Variants in RSL24D1 observed in about 807,000 individuals in gnomAD.
RSL24D1 encodes the protein probable ribosome biogenesis protein RLP24.
RSL24D1 carries 6 observed loss-of-function variants against 26.2 expected under a neutral mutation model. The ratio of observed to expected loss-of-function variants is 0.23; its 90% confidence interval spans 0.13 to 0.45. The LOEUF (loss-of-function observed/expected upper bound fraction) is 0.45, where lower values mean the gene tolerates loss of function less well. Among genes scored for constraint, RSL24D1 ranks in the 20% least tolerant of loss-of-function variants. RSL24D1 has a pLI of 0.99. For synonymous variants in RSL24D1, 61 were observed against 59.1 expected (o/e 1.03, Z -0.15); for missense variants, 176 against 202.6 (o/e 0.87, Z 0.80).
intron 3 of RSL24D1, among the ~76,000 whole-genome samples, chr15:55,188,092 T>C (rs768021606): frequency 1.1e-4 from 17 of 152,206 alleles, no homozygotes; most frequent in South Asian, 2.1e-4. Context: ...GTTTAATCCA[T>C]ATCCTCACAC....
intron 5 of RSL24D1, 144 bp from the exon 6 acceptor site, chr15:55,182,369 G>A: frequency 1.7e-6 from 1 of 605,254 alleles, no homozygotes. Flanking sequence ...AACTAACATA[G>A]GTCTTATGAT....
At chr15:55,193,210 T>C (rs1163483231) in intron 1 of RSL24D1, among the ~76,000 whole-genome samples, 1 of 152,222 alleles carries the variant, frequency 6.6e-6, no homozygotes, top group African/African-American at 2.4e-5. Flanking sequence ...TTCTGAAATC[T>C]CCTTTGGGTC....
chr15:55,195,313 C>T (rs553207287), intron 1 of RSL24D1: 1 of 152,244 alleles, frequency 6.6e-6, no homozygotes, highest in South Asian at 2.1e-4. Flanking sequence ...CTGTTAGGTA[C>T]ATCCAATGGA....
At chr15:55,190,203 G>A (rs374020872) in intron 3 of RSL24D1, among the ~76,000 whole-genome samples, 6 of 144,914 alleles carry the variant, frequency 4.1e-5, no homozygotes, top group African/African-American at 7.9e-5. Context: ...AGCCGAGATC[G>A]TGCCACTGCA....
intron 4 of RSL24D1, among the ~76,000 whole-genome samples, chr15:55,184,789 C>T (rs563024307): frequency 3.8e-4 from 58 of 152,254 alleles, no homozygotes; most frequent in African/African-American, 1.2e-3. Flanking sequence ...GAGAAGGATA[C>T]GCCATCATTT....
Position 55,181,918 on chromosome 15 carries a change from G to C in RSL24D1, c.*234C>G. ...TTTACGTCCACAATTCACTTCTATA[G>C]TTACAAGTAGAATTTTCATGATTTA... On this transcript the variant is annotated 3_prime_UTR_variant, in exon 6 of 6. Coordinates refer to ENST00000260443, the MANE Select transcript of RSL24D1 (RefSeq NM_016304.3). 2.3e-6 allele frequency: 1 copy of C among 434,742 alleles called. No individual in the cohort carries two copies. Among genetic ancestry groups the C allele is most frequent in the East Asian group, 3.6e-5 (1 of 27,810 alleles). The allele number at this position is 434,742 out of a possible 1,614,324, so 26.9% of individuals were successfully genotyped here.
intron 4 of RSL24D1, among the ~76,000 whole-genome samples, chr15:55,184,844 A>G (rs1180042127): frequency 6.6e-6 from 1 of 152,134 alleles, no homozygotes; most frequent in African/African-American, 2.4e-5. Context: ...TCTAATGAGG[A>G]AGGTATCAGA....
intron 3 of RSL24D1, among the ~76,000 whole-genome samples, chr15:55,187,911 C>A (rs549940830): frequency 7.2e-5 from 11 of 151,756 alleles, no homozygotes; most frequent in African/African-American, 1.9e-4. Flanking sequence ...AAAAGTTCAA[C>A]AAAAATATGT....
chr15:55,185,521 A>C (rs570043434), intron 3 of RSL24D1, 96 bp from the exon 4 acceptor site: 25 of 858,812 alleles, frequency 2.9e-5, no homozygotes, highest in Non-Finnish European at 4.1e-5. Flanking sequence ...TCTGATTTAG[A>C]AATGAATTTA....
intron 2 of RSL24D1, 138 bp from the exon 3 acceptor site, chr15:55,191,185 T>C (rs1894293791): frequency 1.6e-6 from 1 of 611,242 alleles, no homozygotes; most frequent in Non-Finnish European, 2.7e-6. Flanking sequence ...TCTCAGAGAA[T>C]ATAGGTTTTC....
At chr15:55,188,854 A>G (rs921769022) in intron 3 of RSL24D1, among the ~76,000 whole-genome samples, 1 of 152,206 alleles carries the variant, frequency 6.6e-6, no homozygotes, top group Non-Finnish European at 1.5e-5. Flanking sequence ...AATAATAACA[A>G]CAACAAAGGT....
intron 1 of RSL24D1, 112 bp downstream of exon 1, chr15:55,196,697 AC>A: frequency 1.0e-6 from 1 of 985,056 alleles, no homozygotes; most frequent in South Asian, 1.4e-5. Flanking sequence ...CAGGGGAACA[AC>A]GGGAGGAACC....
chr15:55,194,609 C>G (rs1001225223), intron 1 of RSL24D1, among the ~76,000 whole-genome samples: 1 of 151,968 alleles, frequency 6.6e-6, no homozygotes, highest in African/African-American at 2.4e-5. Flanking sequence ...TTTATTAAGC[C>G]CTCATTAAGA....
intron 4 of RSL24D1, among the ~76,000 whole-genome samples, chr15:55,184,746 A>T (rs1335140063): frequency 6.6e-6 from 1 of 152,102 alleles, no homozygotes; most frequent in Non-Finnish European, 1.5e-5. Flanking sequence ...ATCACCAGCA[A>T]GGTGACATCA....
chr15:55,186,963 G>C (rs748740770), intron 3 of RSL24D1, among the ~76,000 whole-genome samples: 1 of 152,130 alleles, frequency 6.6e-6, no homozygotes. Flanking sequence ...CAGGGAGTCT[G>C]GATGAAGGAT....
At chr15:55,196,220 T>C (rs1463501595) in intron 1 of RSL24D1, 1 of 420,046 alleles carries the variant, frequency 2.4e-6, no homozygotes, top group African/African-American at 2.0e-5. Flanking sequence ...TGCTCCGTTC[T>C]CTGCCTTTTC....
intron 1 of RSL24D1, among the ~76,000 whole-genome samples, chr15:55,194,686 C>A (rs1595654497): frequency 6.6e-6 from 1 of 152,096 alleles, no homozygotes. Context: ...ACCCTTAACC[C>A]ATTTATGCCT....
chr15:55,196,754 G>A (rs1486455968), intron 1 of RSL24D1, 56 bp downstream of exon 1: 3 of 1,570,210 alleles, frequency 1.9e-6, no homozygotes, highest in African/African-American at 1.4e-5. Flanking sequence ...CCGAGCCGCC[G>A]CGCCCAGGAA....
At chr15:55,191,974 G>A (rs1484138466) in intron 2 of RSL24D1, among the ~76,000 whole-genome samples, 2 of 152,124 alleles carry the variant, frequency 1.3e-5, no homozygotes, top group African/African-American at 2.4e-5. Context: ...CCTTGCATCT[G>A]GTCAAACAAT....
Sources: allele counts gnomAD v4.1 joint callset (sites outside exome capture counted in the v4.1 genomes callset), GRCh38; gene constraint gnomAD v4.1.1; transcripts MANE v1.5; gene names NCBI Gene and HGNC (gene_info 2026-07-23, HGNC 2026-07-21).